Variants in PICALM observed in about 807,000 individuals in gnomAD.
PICALM encodes the protein phosphatidylinositol binding clathrin assembly protein.
PICALM carries 40 observed loss-of-function variants against 80.5 expected under a neutral mutation model. The observed-to-expected ratio is 0.50, with a 90% CI of 0.39 to 0.65. PICALM has a LOEUF of 0.65. Among genes scored for constraint, PICALM ranks in the 30% least tolerant of loss-of-function variants. The pLI, the probability that PICALM is intolerant of heterozygous loss-of-function variation, is 0.00. For synonymous variants in PICALM, 288 were observed against 260.3 expected (o/e 1.11, Z -1.02); for missense variants, 676 against 778.9 (o/e 0.87, Z 1.57).
At chr11:86,003,485 A>G (rs2136141277) in intron 8 of PICALM, 34 bp from the exon 9 acceptor site, 1 of 1,360,448 alleles carries the variant, frequency 7.4e-7, no homozygotes, top group Non-Finnish European at 1.0e-6. Flanking sequence ...ATTTCATGAT[A>G]ATTAGGCCAC....
rs749265669 is a variant in PICALM at position 85,959,078 on chromosome 11, G to A, written c.1945-18C>T. The A allele has an allele frequency of 9.0e-6, 14 of 1,550,444 alleles. No homozygotes were observed. Among genetic ancestry groups the A allele is most frequent in the Non-Finnish European group, 1.2e-5 (14 of 1,128,408 alleles). ...AACTGTATCTGGAAAAAAAAAGTGG[G>A]TATGTTAATTCATTGTATTGTAGGA... On this transcript the variant is annotated intron_variant, in intron 19 of 19. Transcript: ENST00000393346.
chr11:86,025,291 T>G (rs1379748020), intron 3 of PICALM, among the ~76,000 whole-genome samples: 2 of 151,914 alleles, frequency 1.3e-5, no homozygotes, highest in Non-Finnish European at 2.9e-5. Context: ...TCCCAGCTAC[T>G]CGGGAGGCTG....
At chr11:86,015,362 CAG>C (rs1478497915) in intron 4 of PICALM, among the ~76,000 whole-genome samples, 1 of 152,172 alleles carries the variant, frequency 6.6e-6, no homozygotes, top group South Asian at 2.1e-4. Context: ...AGTCAAAAAA[CAG>C]TTAAACACTC....
At chr11:86,069,243 T>G, upstream of PICALM, 17 of 171,900 alleles carry the variant, frequency 9.9e-5, no homozygotes, top group East Asian at 4.3e-4. Flanking sequence ...GCCCGCGCGT[T>G]ACGTGATGGA....
chr11:85,967,322 C>T (rs1336774282), intron 19 of PICALM, among the ~76,000 whole-genome samples: 1 of 152,114 alleles, frequency 6.6e-6, no homozygotes, highest in South Asian at 2.1e-4. Context: ...TCACAGGCAC[C>T]CCGGACTTTA....
intron 9 of PICALM, among the ~76,000 whole-genome samples, chr11:86,002,055 C>T (rs1380287243): frequency 6.6e-6 from 1 of 152,068 alleles, no homozygotes; most frequent in East Asian, 1.9e-4. Context: ...ATTCAGAAGA[C>T]AAAGGAAGAA....
At chr11:86,059,114 A>G (rs1328510750) in intron 1 of PICALM, among the ~76,000 whole-genome samples, 1 of 152,230 alleles carries the variant, frequency 6.6e-6, no homozygotes, top group Non-Finnish European at 1.5e-5. Flanking sequence ...TAAATTTGTA[A>G]CCAGGCAATT....
At chr11:85,969,671 A>G in intron 19 of PICALM, 1 of 421,636 alleles carries the variant, frequency 2.4e-6, no homozygotes, top group South Asian at 1.8e-5. Flanking sequence ...ATCTAGTTCA[A>G]AGATAAACAG....
intron 16 of PICALM, 85 bp downstream of exon 16, chr11:85,981,660 G>A (rs560190649): frequency 4.0e-5 from 41 of 1,028,844 alleles, no homozygotes; most frequent in Non-Finnish European, 5.8e-5. Context: ...TTTTTGAGAG[G>A]AAAGCCAAAT....
chr11:85,997,355 C>T (rs150208978), intron 11 of PICALM, among the ~76,000 whole-genome samples: 309 of 152,292 alleles, frequency 2.0e-3, no homozygotes, highest in African/African-American at 7.1e-3. Context: ...TACTCATTAA[C>T]CTCACTTCTA....
chr11:86,041,013 A>C (rs2095954480), intron 1 of PICALM, among the ~76,000 whole-genome samples: 1 of 152,160 alleles, frequency 6.6e-6, no homozygotes, highest in Non-Finnish European at 1.5e-5. Flanking sequence ...ATTGTTTTGG[A>C]GGGGAAAGCA....
At chr11:85,982,870 T>G (rs2094484068) in intron 14 of PICALM, among the ~76,000 whole-genome samples, 1 of 152,146 alleles carries the variant, frequency 6.6e-6, no homozygotes, top group Admixed American at 6.5e-5. Flanking sequence ...CCTCACCAAA[T>G]TATAGAAAAT....
chr11:85,989,457 C>T (rs2094692212), intron 13 of PICALM, among the ~76,000 whole-genome samples: 1 of 152,158 alleles, frequency 6.6e-6, no homozygotes, highest in African/African-American at 2.4e-5. Context: ...TTTAAATTCA[C>T]ATCACCGTTA....
At chr11:85,963,456 A>G (rs2093759612) in intron 19 of PICALM, among the ~76,000 whole-genome samples, 1 of 152,250 alleles carries the variant, frequency 6.6e-6, no homozygotes, top group African/African-American at 2.4e-5. Context: ...AAAAATTGGT[A>G]TAGCTATCAG....
At position 85,981,993 on chromosome 11, in the gene PICALM, T is replaced by A; in HGVS notation, c.1527A>T (p.Glu509Asp). Residue 509 changes from glutamate (E) to aspartate (D), a missense_variant, in exon 15 of 20, where the codon GAA becomes GAT. Physicochemically the swap from Glu to Asp is conservative, Grantham distance 45. Coordinates refer to ENST00000393346, the MANE Select transcript of PICALM (RefSeq NM_007166.4). Reference sequence around the variant, plus strand: ...CTGTTGGTTTGAGAAGTCCACCTAGTTCATCAAAGCCTTAAAGTTACAAAC... The same window carrying A: ...CTGTTGGTTTGAGAAGTCCACCTAGATCATCAAAGCCTTAAAGTTACAAAC... ...NVIVDSGGFD[E>D]LGGLLKPTVA... 1 of 1,613,506 alleles carries A rather than the reference T, an allele frequency of 6.2e-7. No individual in the cohort carries two copies. Among genetic ancestry groups the A allele is most frequent in the Non-Finnish European group, 8.5e-7 (1 of 1,179,422 alleles).
rs958747405 is a variant in PICALM at position 86,001,118 on chromosome 11, T to C, written c.934A>G (p.Thr312Ala). 6.2e-7 allele frequency: 1 copy of C among 1,614,068 alleles called. No homozygotes were observed. Among genetic ancestry groups the C allele is most frequent in the Non-Finnish European group, 8.5e-7 (1 of 1,179,894 alleles). Residue 312 changes from threonine (T) to alanine (A), a missense_variant, in exon 10 of 20, where the codon ACT (threonine) becomes GCT (alanine). Thr to Ala is a moderately conservative substitution (Grantham distance 58). This residue lies in a region of PICALM where 285 missense variants were observed against 395.4 expected (regional missense o/e 0.72). Transcript: ENST00000393346. ...LSNAVSSLAS[T>A]GLSLTKVDER... ...TCCACTTTGGTCAGAGATAGACCAG[T>C]GCTTGCCAGGGAAGACACTGCATTG...
intron 1 of PICALM, among the ~76,000 whole-genome samples, chr11:86,048,711 A>C (rs1565551167): frequency 6.6e-6 from 1 of 151,888 alleles, no homozygotes; most frequent in Non-Finnish European, 1.5e-5. Context: ...GCATGCCTGT[A>C]ATCTCAGCTA....
Position 86,037,254 on chromosome 11 carries a change from AG to A in PICALM, c.131-5644del, listed in dbSNP as rs200041034. Among the ~76,000 whole-genome samples, 1,002 of 126,340 alleles carry A rather than the reference AG, an allele frequency of 7.9e-3. 51 individuals are homozygous for A. Among genetic ancestry groups the A allele is most frequent in the African/African-American group, 0.017 (546 of 31,834 alleles). 82.9% of individuals were successfully genotyped at this position (126,340 alleles called of 152,430 possible). Reference sequence around the variant, plus strand: ...GCCACCACACCCAGCCAAAAAAAAAAGAAAATTTTTTTTTTTTTTTTTTGAG... The same window carrying A: ...GCCACCACACCCAGCCAAAAAAAAAAAAAATTTTTTTTTTTTTTTTTTGAG... On this transcript the variant is annotated intron_variant, in intron 1 of 19. Coordinates refer to ENST00000393346, the MANE Select transcript of PICALM (RefSeq NM_007166.4).
At chr11:86,064,672 A>G (rs561078298) in intron 1 of PICALM, among the ~76,000 whole-genome samples, 1 of 148,918 alleles carries the variant, frequency 6.7e-6, no homozygotes, top group Non-Finnish European at 1.5e-5. Context: ...AAAAAAAAGG[A>G]GACATTACAG....
Sources: gnomAD v4.1 joint callset for allele counts (sites outside exome capture counted in the v4.1 genomes callset) on GRCh38, gnomAD v4.1.1 for gene constraint, gnomAD v4.1.1 regional missense constraint, MANE v1.5 for transcripts, NCBI Gene and HGNC (gene_info 2026-07-23, HGNC 2026-07-21) for gene names.